Variants in PEX5L observed in about 807,000 individuals in gnomAD.
PEX5L encodes PEX5-related protein.
In PEX5L, 30 loss-of-function variants were observed where a neutral mutation model predicts 84.0. The ratio of observed to expected loss-of-function variants is 0.36; its 90% CI spans 0.27 to 0.48. The LOEUF (loss-of-function observed/expected upper bound fraction) is 0.48. PEX5L is among the 20% of genes least tolerant of loss of function. PEX5L has a pLI of 0.99. For missense variants in PEX5L, 533 were observed against 754.6 expected, an observed-to-expected ratio of 0.71 and a Z score of 3.44; for synonymous variants, 270 against 283.1, an observed-to-expected ratio of 0.95 and a Z score of 0.46.
chr3:179,871,950 A>G (rs182356270), intron 7 of PEX5L, among the ~76,000 whole-genome samples: 5 of 152,256 alleles, frequency 3.3e-5, no homozygotes, highest in Non-Finnish European at 7.4e-5. Context: ...GCAGTGGCTC[A>G]GTCTTAGCTC....
intron 7 of PEX5L, among the ~76,000 whole-genome samples, chr3:179,864,796 A>G (rs1422551987): frequency 6.6e-6 from 1 of 152,204 alleles, no homozygotes; most frequent in Non-Finnish European, 1.5e-5. Flanking sequence ...TGATAAATAT[A>G]TAAAATTGTA....
chr3:179,843,579 A>G (rs933331019), intron 8 of PEX5L, among the ~76,000 whole-genome samples: 14 of 152,244 alleles, frequency 9.2e-5, no homozygotes, highest in Admixed American at 7.9e-4. Context: ...ATACCTTATA[A>G]AATGAATATG....
At chr3:179,903,646 C>G (rs879401698) in intron 2 of PEX5L, among the ~76,000 whole-genome samples, 2 of 152,150 alleles carry the variant, frequency 1.3e-5, no homozygotes, top group Non-Finnish European at 2.9e-5. Flanking sequence ...TGCACAGAAG[C>G]AGGATAATCT....
At chr3:179,855,195 G>T (rs2108497353) in intron 8 of PEX5L, among the ~76,000 whole-genome samples, 1 of 152,306 alleles carries the variant, frequency 6.6e-6, no homozygotes, top group South Asian at 2.1e-4. Context: ...TGCCGATCAT[G>T]AGGCAGGATG....
At chr3:179,974,540 G>A (rs1242219530) in intron 1 of PEX5L, among the ~76,000 whole-genome samples, 1 of 152,202 alleles carries the variant, frequency 6.6e-6, no homozygotes, top group Non-Finnish European at 1.5e-5. Flanking sequence ...GTCTTTCTTT[G>A]CTGACAGTGC....
intron 5 of PEX5L, among the ~76,000 whole-genome samples, chr3:179,875,680 C>G (rs558620203): frequency 6.6e-6 from 1 of 152,144 alleles, no homozygotes; most frequent in Non-Finnish European, 1.5e-5. Context: ...ATGTTGCATA[C>G]AAATTAAAAC....
At chr3:179,910,774 C>G (rs2109203432) in intron 2 of PEX5L, among the ~76,000 whole-genome samples, 1 of 152,256 alleles carries the variant, frequency 6.6e-6, no homozygotes, top group African/African-American at 2.4e-5. Context: ...GCCAGTTTCC[C>G]TTTTTCTAAT....
intron 2 of PEX5L, among the ~76,000 whole-genome samples, chr3:179,907,819 G>A (rs1763788202): frequency 6.6e-6 from 1 of 152,144 alleles, no homozygotes; most frequent in Non-Finnish European, 1.5e-5. Flanking sequence ...TGCTGAGCCA[G>A]AATTGTAGAC....
At chr3:179,986,694 G>A (rs955681051) in intron 1 of PEX5L, among the ~76,000 whole-genome samples, 1 of 152,006 alleles carries the variant, frequency 6.6e-6, no homozygotes, top group Non-Finnish European at 1.5e-5. Context: ...GAGCCACCGC[G>A]CCCGGCCAAC....
chr3:180,026,913 T>G (rs1791006435), intron 1 of PEX5L, among the ~76,000 whole-genome samples: 1 of 151,914 alleles, frequency 6.6e-6, no homozygotes, highest in Admixed American at 6.6e-5. Flanking sequence ...TTGCCCACAC[T>G]CTCAGTCTTG....
rs9882074 is a variant in PEX5L, at chr3:179,818,322, G to A, written c.939+1538C>T. Among the ~76,000 whole-genome samples, 1,028 of 151,516 alleles carry A rather than the reference G, an allele frequency of 6.8e-3. 14 individuals carry two copies. The highest frequency in any genetic ancestry group is 0.024 in the African/African-American group (980 of 41,286). ...GTACCTAATAGGTATATGTATTTAT[G>A]GGGTACATGAGATATTTTGATACAG... is the stretch of plus-strand genomic sequence containing the variant. On this transcript the variant is annotated intron_variant, in intron 9 of 14. Coordinates refer to ENST00000467460, the MANE Select transcript of PEX5L (RefSeq NM_016559.3).
chr3:180,009,403 A>G (rs1433389671), intron 1 of PEX5L, among the ~76,000 whole-genome samples: 3 of 152,194 alleles, frequency 2.0e-5, no homozygotes, highest in Non-Finnish European at 1.5e-5. Context: ...CACTTATTAG[A>G]TTATATTCAG....
intron 5 of PEX5L, among the ~76,000 whole-genome samples, chr3:179,877,284 C>T (rs1752736192): frequency 6.6e-6 from 1 of 152,172 alleles, no homozygotes; most frequent in Non-Finnish European, 1.5e-5. Flanking sequence ...TTTATCCATT[C>T]ATCTCATGAT....
At chr3:179,999,312 T>C (rs1369100806) in intron 1 of PEX5L, among the ~76,000 whole-genome samples, 9 of 152,166 alleles carry the variant, frequency 5.9e-5, no homozygotes, top group Admixed American at 5.2e-4. Context: ...ATCAAGTGGA[T>C]AGGATGACCT....
At chr3:179,833,962 G>A (rs1430921355) in intron 8 of PEX5L, among the ~76,000 whole-genome samples, 24 of 151,998 alleles carry the variant, frequency 1.6e-4, no homozygotes, top group Admixed American at 1.6e-3. Context: ...AGCCTTCCAA[G>A]TATCTAGGGC....
intron 1 of PEX5L, among the ~76,000 whole-genome samples, chr3:180,012,833 A>G (rs1009868566): frequency 6.6e-6 from 1 of 152,110 alleles, no homozygotes; most frequent in Non-Finnish European, 1.5e-5. Context: ...AATCTTTTCT[A>G]ATTTTATATG....
chr3:179,940,082 A>G (rs1775654583), intron 2 of PEX5L, among the ~76,000 whole-genome samples: 1 of 152,158 alleles, frequency 6.6e-6, no homozygotes. Context: ...AGAGGGATGG[A>G]CTATGTGCTG....
chr3:179,882,520 T>C (rs1044476908), intron 4 of PEX5L, among the ~76,000 whole-genome samples: 1 of 152,320 alleles, frequency 6.6e-6, no homozygotes, highest in African/African-American at 2.4e-5. Flanking sequence ...GGAGGTCGAA[T>C]GGCCAGCTTT....
intron 7 of PEX5L, among the ~76,000 whole-genome samples, chr3:179,871,100 CTTTT>C (rs397801213): frequency 7.3e-4 from 69 of 95,032 alleles, no homozygotes; most frequent in African/African-American, 3.1e-3. Context: ...TTGAGTTATA[CTTTT>C]TTTTTTTTTT....
Sources: allele counts gnomAD v4.1 joint callset (sites outside exome capture counted in the v4.1 genomes callset), GRCh38; gene constraint gnomAD v4.1.1; transcripts MANE v1.5; gene names NCBI Gene and HGNC (gene_info 2026-07-23, HGNC 2026-07-21).